The following PCDH9 variants were observed in gnomAD, a reference collection of about 807,000 sequenced individuals.
PCDH9 encodes the protein protocadherin-9.
A neutral mutation model predicts 70.6 loss-of-function variants in PCDH9; 24 were observed. The ratio of observed to expected loss-of-function variants is 0.34; its 90% CI spans 0.25 to 0.48. PCDH9 has a LOEUF of 0.48. Among genes scored for constraint, PCDH9 ranks in the 20% least tolerant of loss-of-function variants. The probability of loss-of-function intolerance (pLI) is 0.99; values close to 1 mark genes in which losing one functional copy is unlikely to be tolerated. For missense variants in PCDH9, 1,281 were observed against 1,503.6 expected (o/e 0.85, Z 2.45); for synonymous variants, 562 against 558.5 (o/e 1.01, Z -0.09).
At chr13:66,888,188 T>C (rs1041975435) in intron 3 of PCDH9, among the ~76,000 whole-genome samples, 3 of 152,136 alleles carry the variant, frequency 2.0e-5, no homozygotes, top group African/African-American at 7.2e-5. Context: ...TTAGCTCTGC[T>C]GCACACTCAA....
chr13:66,485,991 G>T (rs1022042782), intron 4 of PCDH9, among the ~76,000 whole-genome samples: 1 of 152,076 alleles, frequency 6.6e-6, no homozygotes, highest in Non-Finnish European at 1.5e-5. Flanking sequence ...GCCTCTCAAA[G>T]TGTTGGGATT....
intron 4 of PCDH9, among the ~76,000 whole-genome samples, chr13:66,585,310 A>G (rs1250469588): frequency 6.6e-6 from 1 of 152,158 alleles, no homozygotes; most frequent in Non-Finnish European, 1.5e-5. Flanking sequence ...TCTGTGAGAA[A>G]TTGAAACTAG....
In PCDH9 at chr13:67,015,181, T is replaced by C. The variant is rs992841277; in HGVS notation, c.3037-111576A>G. Among the ~76,000 whole-genome samples the C allele has an allele frequency of 8.5e-5, 13 of 152,116 alleles. No individual in the cohort carries two copies. In the South Asian group the frequency reaches 2.3e-3, roughly 27 times the overall value. On this transcript the variant is annotated intron_variant, in intron 2 of 4. Coordinates refer to ENST00000377865, the MANE Select transcript of PCDH9 (RefSeq NM_203487.3). Reference sequence around the variant, plus strand: ...TTGGTAACTCTTTTGAAGACACCCCTTTAATTGCTATTTGAACCTGGGCCT... The same window carrying C: ...TTGGTAACTCTTTTGAAGACACCCCCTTAATTGCTATTTGAACCTGGGCCT...
chr13:67,170,333 A>G (rs564119413), intron 2 of PCDH9, among the ~76,000 whole-genome samples: 1 of 152,314 alleles, frequency 6.6e-6, no homozygotes, highest in East Asian at 1.9e-4. Context: ...GGAGATAATA[A>G]TTATTTTTCT....
intron 3 of PCDH9, among the ~76,000 whole-genome samples, chr13:66,642,956 C>A (rs1396284708): frequency 1.3e-5 from 2 of 151,696 alleles, no homozygotes; most frequent in African/African-American, 4.8e-5. Context: ...TTCTTTTTGG[C>A]TCATAAATTT....
At chr13:66,492,247 T>C (rs1243584184) in intron 4 of PCDH9, among the ~76,000 whole-genome samples, 3 of 151,978 alleles carry the variant, frequency 2.0e-5, no homozygotes, top group African/African-American at 7.2e-5. Context: ...CTATTTACTT[T>C]CATGGTTATA....
intron 2 of PCDH9, among the ~76,000 whole-genome samples, chr13:67,142,160 C>A (rs1187115077): frequency 6.6e-6 from 1 of 151,906 alleles, no homozygotes; most frequent in Non-Finnish European, 1.5e-5. Flanking sequence ...GTGGAAAAAC[C>A]CTTTTCATCC....
chr13:66,469,332 C>T (rs919924826), intron 4 of PCDH9, among the ~76,000 whole-genome samples: 1 of 151,458 alleles, frequency 6.6e-6, no homozygotes, highest in Non-Finnish European at 1.5e-5. Flanking sequence ...CTTCAAGATA[C>T]TTTAAAAATG....
chr13:66,820,679 T>C (rs530149191), intron 3 of PCDH9, among the ~76,000 whole-genome samples: 2 of 152,224 alleles, frequency 1.3e-5, no homozygotes, highest in African/African-American at 4.8e-5. Context: ...TAAAAAAGAA[T>C]GGGATCATTT....
At chr13:67,023,605 C>T (rs1169255844) in intron 2 of PCDH9, among the ~76,000 whole-genome samples, 1 of 152,122 alleles carries the variant, frequency 6.6e-6, no homozygotes, top group African/African-American at 2.4e-5. Flanking sequence ...CAATTTGTAT[C>T]AAAGACTGGA....
intron 4 of PCDH9, among the ~76,000 whole-genome samples, chr13:66,437,916 T>C (rs1380695895): frequency 6.6e-6 from 1 of 152,060 alleles, no homozygotes; most frequent in Non-Finnish European, 1.5e-5. Flanking sequence ...CTGGGTGCTG[T>C]TTCTATGGTT....
intron 2 of PCDH9, among the ~76,000 whole-genome samples, chr13:67,076,469 A>G (rs2085879915): frequency 6.6e-6 from 1 of 152,178 alleles, no homozygotes; most frequent in African/African-American, 2.4e-5. Context: ...AGAAGAGAGA[A>G]GTTTAAATCA....
chr13:67,036,182 T>C (rs1219777040), intron 2 of PCDH9, among the ~76,000 whole-genome samples: 1 of 152,174 alleles, frequency 6.6e-6, no homozygotes, highest in Non-Finnish European at 1.5e-5. Context: ...TGTATTCAGA[T>C]ACAATTGTAG....
intron 2 of PCDH9, among the ~76,000 whole-genome samples, chr13:67,126,104 A>C (rs9541012): frequency 0.92 from 140,075 of 152,196 alleles, 64,582 homozygotes; most frequent in East Asian, 0.98. Flanking sequence ...TATATTTGGT[A>C]AGTAGTGGTC....
intron 2 of PCDH9, among the ~76,000 whole-genome samples, chr13:67,000,484 T>TAATAA (rs2084220336): frequency 1.0e-5 from 1 of 96,132 alleles, no homozygotes; most frequent in Admixed American, 1.1e-4. Context: ...AGTATAATAA[T>TAATAA]AATAAAATAA....
intron 2 of PCDH9, among the ~76,000 whole-genome samples, chr13:66,912,196 T>C (rs1425785275): frequency 6.6e-6 from 1 of 152,168 alleles, no homozygotes; most frequent in African/African-American, 2.4e-5. Context: ...ATTGAAAGAC[T>C]TCAGAGATGG....
In PCDH9 at chr13:66,733,920, G is replaced by A. The variant is rs565989212; in HGVS notation, c.3139-102509C>T. On this transcript the variant is annotated intron_variant, in intron 3 of 4. Coordinates refer to ENST00000377865, the MANE Select transcript of PCDH9 (RefSeq NM_203487.3). ...TGTATTCAGACTATATATCTGTGCA[G>A]TAGGTAATTTGGCTTTGCCCCGGAG... Among the ~76,000 whole-genome samples, 6 of 152,276 alleles carry A rather than the reference G, an allele frequency of 3.9e-5. No homozygotes were observed. The South Asian group carries it at 1.2e-3, about 32-fold the overall frequency.
chr13:67,074,774 C>A (rs1465375956), intron 2 of PCDH9, among the ~76,000 whole-genome samples: 1 of 151,926 alleles, frequency 6.6e-6, no homozygotes, highest in African/African-American at 2.4e-5. Flanking sequence ...TCTAACCAAA[C>A]AAGAATTATA....
intron 4 of PCDH9, among the ~76,000 whole-genome samples, chr13:66,376,075 C>G (rs1956741754): frequency 6.6e-6 from 1 of 152,100 alleles, no homozygotes; most frequent in Non-Finnish European, 1.5e-5. Flanking sequence ...ATCATTCACA[C>G]AGAAATGTGG....
Sources: allele counts gnomAD v4.1 joint callset (sites outside exome capture counted in the v4.1 genomes callset), GRCh38; gene constraint gnomAD v4.1.1; transcripts MANE v1.5; gene names NCBI Gene and HGNC (gene_info 2026-07-23, HGNC 2026-07-21).